GRIN2A: variants seen among roughly 807,000 people sequenced by gnomAD.
GRIN2A encodes the protein glutamate receptor ionotropic, NMDA 2A.
A neutral mutation model predicts 113.4 loss-of-function variants in GRIN2A; 22 were observed. The ratio of observed to expected loss-of-function variants is 0.19; its 90% CI spans 0.14 to 0.28. The LOEUF (loss-of-function observed/expected upper bound fraction) is 0.28. Ranked by LOEUF, GRIN2A falls within the 10% of genes least tolerant of loss-of-function variation. The pLI, the probability that GRIN2A is intolerant of heterozygous loss-of-function variation, is 1.00. For synonymous variants in GRIN2A, 827 were observed against 738.4 expected (o/e 1.12, Z -1.94); for missense variants, 1,502 against 1,887.0 (o/e 0.80, Z 3.78).
chr16:9,871,654 G>A (rs1449076989), intron 4 of GRIN2A, among the ~76,000 whole-genome samples: 2 of 152,044 alleles, frequency 1.3e-5, no homozygotes, highest in Non-Finnish European at 2.9e-5. Context: ...CACTTCTCTG[G>A]TCCTCATTTT....
intron 5 of GRIN2A, among the ~76,000 whole-genome samples, chr16:9,845,600 A>T (rs954687041): frequency 9.3e-5 from 14 of 151,180 alleles, no homozygotes; most frequent in African/African-American, 3.4e-4. Context: ...GTAACTCATC[A>T]CTCTCTAGCA....
chr16:10,152,512 T>C (rs12446992), intron 2 of GRIN2A, among the ~76,000 whole-genome samples: 14,880 of 152,204 alleles, frequency 0.098, 724 homozygotes, highest in Middle Eastern at 0.12. Flanking sequence ...CAGTCCGTTT[T>C]CCCCCCAACC....
intron 5 of GRIN2A, among the ~76,000 whole-genome samples, chr16:9,845,874 C>T (rs752036947): frequency 1.3e-4 from 20 of 152,204 alleles, no homozygotes; most frequent in Non-Finnish European, 2.1e-4. Context: ...TCTTCCTGGT[C>T]GAATTGTTTT....
At chr16:9,792,860 T>A (rs1251525576) in intron 11 of GRIN2A, among the ~76,000 whole-genome samples, 1 of 152,170 alleles carries the variant, frequency 6.6e-6, no homozygotes, top group Non-Finnish European at 1.5e-5. Context: ...CCTTGCAGCT[T>A]GGTTTAGTAG....
intron 2 of GRIN2A, among the ~76,000 whole-genome samples, chr16:10,139,419 G>A (rs1429741948): frequency 2.0e-5 from 3 of 152,154 alleles, no homozygotes; most frequent in Non-Finnish European, 4.4e-5. Context: ...ACAGAAAATA[G>A]ATCAAATTAA....
chr16:10,063,260 A>T (rs183214141), intron 2 of GRIN2A, among the ~76,000 whole-genome samples: 62 of 152,304 alleles, frequency 4.1e-4, no homozygotes, highest in African/African-American at 1.4e-3. Flanking sequence ...ACCTGTTGTG[A>T]ACTATGCTCA....
At chr16:10,179,946 A>C in intron 2 of GRIN2A, 52 bp downstream of exon 2, 2 of 1,224,382 alleles carry the variant, frequency 1.6e-6, no homozygotes, top group Non-Finnish European at 2.2e-6. Flanking sequence ...AGCAGCTGCC[A>C]TGCAGCTGGT....
At chr16:9,783,387 T>A (rs187363897) in intron 11 of GRIN2A, among the ~76,000 whole-genome samples, 3 of 152,378 alleles carry the variant, frequency 2.0e-5, no homozygotes, top group African/African-American at 7.2e-5. Flanking sequence ...CAGTTTTGCC[T>A]GCTTTATTTT....
At chr16:9,982,837 TCA>T in intron 2 of GRIN2A, among the ~76,000 whole-genome samples, 2 of 152,296 alleles carry the variant, frequency 1.3e-5, no homozygotes, top group Admixed American at 1.3e-4. Context: ...ACACCTTGAA[TCA>T]CCCACTTTCC....
At chr16:10,055,359 G>A (rs999081997) in intron 2 of GRIN2A, among the ~76,000 whole-genome samples, 2 of 152,022 alleles carry the variant, frequency 1.3e-5, no homozygotes, top group African/African-American at 4.8e-5. Context: ...AATCTGAATT[G>A]TCAGTACATG....
chr16:9,963,022 C>CA (rs1008092139), intron 2 of GRIN2A, among the ~76,000 whole-genome samples: 178 of 149,932 alleles, frequency 1.2e-3, no homozygotes, highest in African/African-American at 3.9e-3. Flanking sequence ...ATCGCAAGGA[C>CA]AAAAAACCAA....
At chr16:9,847,675 AAT>A (rs368522151) in intron 5 of GRIN2A, among the ~76,000 whole-genome samples, 7,444 of 149,718 alleles carry the variant, frequency 0.05, 293 homozygotes, top group African/African-American at 0.1. Flanking sequence ...AACACATAAA[AAT>A]ATATGTTTTA....
intron 2 of GRIN2A, among the ~76,000 whole-genome samples, chr16:9,978,445 G>C (rs988926208): frequency 1.3e-4 from 20 of 152,078 alleles, no homozygotes; most frequent in African/African-American, 4.6e-4. Context: ...TTAGTACTTT[G>C]TCTGCTCCTT....
intron 2 of GRIN2A, among the ~76,000 whole-genome samples, chr16:10,159,242 G>A (rs535017509): frequency 1.3e-5 from 2 of 152,278 alleles, no homozygotes; most frequent in African/African-American, 4.8e-5. Context: ...AGCAAGGAAG[G>A]CTTGGACAAC....
intron 2 of GRIN2A, among the ~76,000 whole-genome samples, chr16:10,165,350 C>T (rs1331040203): frequency 6.6e-6 from 1 of 151,682 alleles, no homozygotes; most frequent in Non-Finnish European, 1.5e-5. Context: ...ATGTTAATAG[C>T]AGTTGTCTGT....
chr16:9,825,636 C>A (rs1284603707), intron 9 of GRIN2A, among the ~76,000 whole-genome samples: 1 of 152,116 alleles, frequency 6.6e-6, no homozygotes, highest in Non-Finnish European at 1.5e-5. Flanking sequence ...TAAGGGACAT[C>A]TGGCAACTGG....
intron 2 of GRIN2A, among the ~76,000 whole-genome samples, chr16:10,103,556 G>A (rs2048439926): frequency 6.6e-6 from 1 of 152,126 alleles, no homozygotes; most frequent in African/African-American, 2.4e-5. Context: ...GGGGGTACAG[G>A]GAGATATGGG....
rs1343817975 is a variant in GRIN2A, at chr16:10,180,301, C to A, written c.111G>T (p.Ala37=). The A allele has an allele frequency of 6.2e-7, 1 of 1,612,406 alleles. No individual in the cohort carries two copies. The highest frequency in any genetic ancestry group is 8.5e-7 in the Non-Finnish European group (1 of 1,179,966). ...AEKGPPALNI[A]VMLGHSHDVT... is the part of the protein sequence containing the mutation. ...CGTCGTGGCTGTGACCCAGCATCAC[C>A]GCAATATTTAGCGCGGGGGGACCCT... Residue 37 remains alanine, a synonymous_variant, in exon 2 of 13, where the codon GCG becomes GCT. Transcript: ENST00000330684. The surrounding 1 kb of genome is among the most constrained non-coding windows in gnomAD (Gnocchi z 7.0).
intron 2 of GRIN2A, among the ~76,000 whole-genome samples, chr16:10,030,568 G>A (rs1033000014): frequency 3.9e-5 from 6 of 152,180 alleles, no homozygotes; most frequent in African/African-American, 1.2e-4. Context: ...CAAGGATCAG[G>A]CGTTTTCAGA....
Sources: gnomAD v4.1 joint callset for allele counts (sites outside exome capture counted in the v4.1 genomes callset) on GRCh38, gnomAD v4.1.1 for gene constraint, Gnocchi (gnomAD v3.1) non-coding constraint, MANE v1.5 for transcripts, NCBI Gene and HGNC (gene_info 2026-07-23, HGNC 2026-07-21) for gene names.